The following BRI3BP variants were observed in gnomAD, a reference collection of about 807,000 sequenced individuals.
BRI3BP encodes the protein BRI3 binding protein, also known as BRI3-binding protein.
Under a neutral mutation model 15.8 loss-of-function variants are expected in BRI3BP, and 7 were observed. That is an observed-to-expected ratio of 0.44 (90% CI 0.25 to 0.83). BRI3BP has a LOEUF of 0.83. BRI3BP is among the 40% of genes least tolerant of loss of function. The probability of loss-of-function intolerance (pLI) is 0.20; values close to 1 mark genes in which losing one functional copy is unlikely to be tolerated. For synonymous variants in BRI3BP, 192 were observed against 163.5 expected (o/e 1.17, Z -1.33); for missense variants, 320 against 339.3 (o/e 0.94, Z 0.45).
intron 1 of BRI3BP, among the ~76,000 whole-genome samples, chr12:125,009,820 G>A (rs1594531655): frequency 1.3e-5 from 2 of 152,132 alleles, no homozygotes; most frequent in Non-Finnish European, 2.9e-5. Context: ...ATTGGACATC[G>A]GCCGGGCATG....
At position 124,993,974 on chromosome 12, in the gene BRI3BP, G is replaced by T; in HGVS notation, c.184G>T (p.Gly62Cys). The T allele has an allele frequency of 7.3e-7, 1 of 1,360,950 alleles. No individual in the cohort carries two copies. The highest frequency in any genetic ancestry group is 3.2e-5 in the East Asian group (1 of 31,712). The allele number at this position is 1,360,950 out of a possible 1,614,324, so 84.3% of individuals were successfully genotyped here. A position where few individuals can be genotyped will look rare whatever the true frequency, so the allele number is the denominator to read the frequency against. The change falls in exon 1 of 3, where the codon GGC (glycine) becomes TGC (cysteine). Residue 62 changes from glycine to cysteine, a missense_variant. Gly to Cys is a radical substitution (Grantham distance 159, BLOSUM62 -3). Coordinates refer to ENST00000341446, the MANE Select transcript of BRI3BP (RefSeq NM_080626.6). Reference protein sequence around the residue: ...TFSQSVSSLFGEDNVRAAQKF... With the variant: ...TFSQSVSSLFCEDNVRAAQKF... ...CTCCCAGAGCGTCAGCAGCCTGTTC[G>T]GCGAGGACAACGTGCGCGCCGCTCA...
At position 125,025,694 on chromosome 12, in the gene BRI3BP, G is replaced by T; in HGVS notation, c.*264G>T. On this transcript the variant is annotated 3_prime_UTR_variant, in exon 3 of 3. Transcript: ENST00000341446. Reference sequence around the variant, plus strand: ...TAAACAAAGGATATAACCATATTTAGTTGTACAGTAAGAGAAATTTATCTG... The same window carrying T: ...TAAACAAAGGATATAACCATATTTATTTGTACAGTAAGAGAAATTTATCTG... The T allele has an allele frequency of 2.6e-6, 1 of 386,064 alleles. No homozygotes were observed. The highest frequency in any genetic ancestry group is 2.0e-5 in the African/African-American group (1 of 49,160). 23.9% of individuals were successfully genotyped at this position (386,064 alleles called of 1,614,324 possible).
At chr12:125,009,993 T>C (rs1217512776) in intron 1 of BRI3BP, among the ~76,000 whole-genome samples, 1 of 151,872 alleles carries the variant, frequency 6.6e-6, no homozygotes, top group Admixed American at 6.6e-5. Flanking sequence ...TTCCAGCTAC[T>C]CAGGAGGCTG....
the BRI3BP span, among the ~76,000 whole-genome samples, chr12:125,039,655 T>G: frequency 6.1e-5 from 2 of 32,696 alleles, no homozygotes; most frequent in Admixed American, 7.7e-4. Context: ...TCCAATAGGG[T>G]TTTTTTTTTA....
chr12:125,011,093 T>TA (rs35697952), intron 1 of BRI3BP, among the ~76,000 whole-genome samples: 27,709 of 93,170 alleles, frequency 0.3, 4,283 homozygotes, highest in South Asian at 0.36. Flanking sequence ...GACCCTGTCT[T>TA]AAAAAAAAAA....
rs1955370939 is a variant in BRI3BP, at chr12:125,027,917, G to C, written c.*2487G>C. 6.6e-6 allele frequency: 1 copy of C among 152,116 alleles called. No homozygotes were observed. Among genetic ancestry groups the C allele is most frequent in the Non-Finnish European group, 1.5e-5 (1 of 68,038 alleles). The allele number at this position is 152,116 out of a possible 1,614,324, so 9.4% of individuals were successfully genotyped here. On this transcript the variant is annotated 3_prime_UTR_variant, in exon 3 of 3. Coordinates refer to ENST00000341446, the MANE Select transcript of BRI3BP (RefSeq NM_080626.6). ...TTAGCCAGGATGGTCTCGATCTCCT[G>C]ACCTCGTGATCCGCCCGCCTCGGCC...
At chr12:125,032,755 C>T (rs1955416139), downstream of BRI3BP, among the ~76,000 whole-genome samples, 2 of 152,224 alleles carry the variant, frequency 1.3e-5, no homozygotes, top group Admixed American at 1.3e-4. Flanking sequence ...GCCTGGGGAA[C>T]AGAGTGAGAT....
rs886788332 is a variant in BRI3BP at position 124,993,814 on chromosome 12, G to A, written c.24G>A (p.Gly8=). MGARASG[G]PLARAGLLLL... ...GCATGGGCGCGCGCGCCTCAGGCGG[G>A]CCCCTGGCCCGGGCCGGGCTCCTGC... is the stretch of plus-strand genomic sequence containing the variant. The change falls in exon 1 of 3, where the codon GGG becomes GGA. Residue 8 remains glycine (G), a synonymous_variant. Coordinates refer to ENST00000341446, the MANE Select transcript of BRI3BP (RefSeq NM_080626.6). The A allele has an allele frequency of 1.4e-5, 15 of 1,101,104 alleles. No homozygotes were observed. Among genetic ancestry groups the A allele is most frequent in the Admixed American group, 1.1e-4 (2 of 18,952 alleles). 68.2% of individuals were successfully genotyped at this position (1,101,104 alleles called of 1,614,324 possible). A position where few individuals can be genotyped will look rare whatever the true frequency, so the allele number is the denominator to read the frequency against.
intron 2 of BRI3BP, among the ~76,000 whole-genome samples, chr12:125,012,884 C>A (rs181395299): frequency 6.6e-6 from 1 of 152,118 alleles, no homozygotes; most frequent in African/African-American, 2.4e-5. Flanking sequence ...TCAAGACCAG[C>A]CTGGGCAACA....
At chr12:125,006,097 C>A (rs751530785) in intron 1 of BRI3BP, among the ~76,000 whole-genome samples, 3 of 152,028 alleles carry the variant, frequency 2.0e-5, no homozygotes, top group Non-Finnish European at 1.5e-5. Flanking sequence ...CCAGTCGCAT[C>A]GGATTAGGGC....
intron 1 of BRI3BP, among the ~76,000 whole-genome samples, chr12:125,000,959 A>C (rs1354975645): frequency 6.6e-6 from 1 of 152,208 alleles, no homozygotes; most frequent in African/African-American, 2.4e-5. Context: ...TCCAACACCC[A>C]GTCAAGGACT....
chr12:125,033,631 G>A (rs960797606), downstream of BRI3BP, among the ~76,000 whole-genome samples: 1 of 151,886 alleles, frequency 6.6e-6, no homozygotes, highest in Non-Finnish European at 1.5e-5. Context: ...TGGGCCCGGC[G>A]TCAACCTTGA....
At chr12:125,048,015 TAAAAA>T in the BRI3BP span, among the ~76,000 whole-genome samples, 11 of 137,150 alleles carry the variant, frequency 8.0e-5, no homozygotes, top group Admixed American at 7.4e-5. Context: ...TTCTTATAGT[TAAAAA>T]AAAAAAAAAA....
rs1955206726 is a variant in BRI3BP at position 125,012,654 on chromosome 12, A to G, written c.316+18A>G. Reference sequence around the variant, plus strand: ...ACTTGACGGTAGGTGTAGGGGTGGCATTCACGTAAGGTGTCATTCTATTTT... The same window carrying G: ...ACTTGACGGTAGGTGTAGGGGTGGCGTTCACGTAAGGTGTCATTCTATTTT... On this transcript the variant is annotated intron_variant, in intron 2 of 2. Transcript: ENST00000341446. The G allele has an allele frequency of 6.5e-7, 1 of 1,550,372 alleles. No homozygotes were observed. Among genetic ancestry groups the G allele is most frequent in the Non-Finnish European group, 8.9e-7 (1 of 1,122,326 alleles).
At chr12:125,019,751 T>G (rs1955280244) in intron 2 of BRI3BP, among the ~76,000 whole-genome samples, 1 of 150,846 alleles carries the variant, frequency 6.6e-6, no homozygotes, top group African/African-American at 2.4e-5. Context: ...AAAACCAGAT[T>G]TGGGGGCCAG....
At chr12:125,047,343 T>C in the BRI3BP span, among the ~76,000 whole-genome samples, 2 of 152,152 alleles carry the variant, frequency 1.3e-5, no homozygotes, top group South Asian at 2.1e-4. Context: ...ACAAAAATAC[T>C]AACTGTATTT....
At chr12:125,033,417 TAAATATACATA>T (rs546110231), downstream of BRI3BP, among the ~76,000 whole-genome samples, 38 of 152,132 alleles carry the variant, frequency 2.5e-4, no homozygotes, top group South Asian at 7.5e-3. Context: ...AATGAATACA[TAAATATACATA>T]AAATGTAGAT....
In BRI3BP at chr12:125,027,952, G is replaced by T. The variant is rs1231815318; in HGVS notation, c.*2522G>T. 6.6e-5 allele frequency: 10 copies of T among 152,244 alleles called. No individual in the cohort carries two copies. The highest frequency in any genetic ancestry group is 6.5e-4 in the Admixed American group (10 of 15,286). The allele number at this position is 152,244 out of a possible 1,614,324, so 9.4% of individuals were successfully genotyped here. ...TCCGCCCGCCTCGGCCTCCCAAAGTGCTGGGATTACAGGCGTGAGCCACCG... is the reference window on the plus strand; with the variant it reads ...TCCGCCCGCCTCGGCCTCCCAAAGTTCTGGGATTACAGGCGTGAGCCACCG... On this transcript the variant is annotated 3_prime_UTR_variant, in exon 3 of 3. Coordinates refer to ENST00000341446, the MANE Select transcript of BRI3BP (RefSeq NM_080626.6).
chr12:125,044,072 T>C, the BRI3BP span, among the ~76,000 whole-genome samples: 16 of 152,256 alleles, frequency 1.1e-4, no homozygotes, highest in African/African-American at 3.8e-4. Flanking sequence ...ACAGGCAAGT[T>C]TACAAGTCTT....
Sources: allele counts gnomAD v4.1 joint callset (sites outside exome capture counted in the v4.1 genomes callset), GRCh38; gene constraint gnomAD v4.1.1; transcripts MANE v1.5; gene names NCBI Gene and HGNC (gene_info 2026-07-23, HGNC 2026-07-21).